The following GABRG3 variants were observed in gnomAD, a reference collection of about 807,000 sequenced individuals.
GABRG3 encodes the protein gamma-aminobutyric acid receptor subunit gamma-3.
In GABRG3, 25 loss-of-function variants were observed where a neutral mutation model predicts 48.8. The ratio of observed to expected loss-of-function variants is 0.51; its 90% CI spans 0.37 to 0.72. GABRG3 has a LOEUF of 0.72. Among genes scored for constraint, GABRG3 ranks in the 30% least tolerant of loss-of-function variants. GABRG3 has a pLI of 0.00. For synonymous variants in GABRG3, 227 were observed against 217.6 expected, an observed-to-expected ratio of 1.04 and a Z score of -0.38; for missense variants, 394 against 577.9, an observed-to-expected ratio of 0.68 and a Z score of 3.26.
chr15:27,001,888 GTT>G (rs60516105), intron 2 of GABRG3, among the ~76,000 whole-genome samples: 2 of 121,198 alleles, frequency 1.7e-5, no homozygotes, highest in South Asian at 2.8e-4. Flanking sequence ...CCATAACTCA[GTT>G]TTTTTTTTTT....
intron 3 of GABRG3, among the ~76,000 whole-genome samples, chr15:27,312,982 G>A (rs1220029096): frequency 1.3e-5 from 2 of 149,956 alleles, no homozygotes; most frequent in African/African-American, 2.4e-5. Flanking sequence ...ATAAATGGAT[G>A]TAATGGTCTC....
At position 27,291,812 on chromosome 15, in the gene GABRG3, TAGAG is replaced by T. The variant is rs763659061; in HGVS notation, c.271-34993_271-34990del. On this transcript the variant is annotated intron_variant, in intron 3 of 9. Transcript: ENST00000615808. ...ACACACTGTTGGATCAGCTCTCCAA[TAGAG>T]AGAAGAGCCTAGTGTTTTTCTTCTA... 5.3e-5 allele frequency among the ~76,000 whole-genome samples: 8 copies of T among 152,330 alleles called. No homozygotes were observed. The East Asian group carries it at 5.8e-4, about 11-fold the overall frequency.
chr15:27,332,937 C>T (rs1414198397), intron 5 of GABRG3, among the ~76,000 whole-genome samples: 1 of 152,074 alleles, frequency 6.6e-6, no homozygotes, highest in Non-Finnish European at 1.5e-5. Context: ...TCCTATAGCA[C>T]TTTCTGTAGT....
At chr15:27,492,229 T>C (rs1049527617) in intron 6 of GABRG3, among the ~76,000 whole-genome samples, 1 of 152,142 alleles carries the variant, frequency 6.6e-6, no homozygotes, top group Non-Finnish European at 1.5e-5. Flanking sequence ...TGGCTTAGAA[T>C]TCATCACAGC....
At chr15:27,530,989 T>C in intron 9 of GABRG3, 1 of 282,882 alleles carries the variant, frequency 3.5e-6, no homozygotes, top group Non-Finnish European at 7.0e-6. Context: ...TGCTATGTTT[T>C]AGCAAATGCT....
chr15:27,463,418 A>C (rs1489197043), intron 5 of GABRG3, among the ~76,000 whole-genome samples: 3 of 152,176 alleles, frequency 2.0e-5, no homozygotes, highest in African/African-American at 7.2e-5. Context: ...TTTTCTTTAA[A>C]ATTATTTGTG....
chr15:27,156,212 T>C (rs1898419243), intron 3 of GABRG3, among the ~76,000 whole-genome samples: 1 of 137,838 alleles, frequency 7.3e-6, no homozygotes, highest in Non-Finnish European at 1.5e-5. Context: ...GGCAGGAGAA[T>C]GGCATGAACC....
At position 27,421,205 on chromosome 15, in the gene GABRG3, A is replaced by G. The variant is rs904525092; in HGVS notation, c.575-59445A>G. 5.9e-5 allele frequency among the ~76,000 whole-genome samples: 9 copies of G among 152,236 alleles called. No individual in the cohort carries two copies. In the East Asian group the frequency reaches 1.7e-3, roughly 29 times the overall value. On this transcript the variant is annotated intron_variant, in intron 5 of 9. Transcript: ENST00000615808. ...ATGTCTCAATTCCCTGGTGCTCATCAGAAAGAAGGCCCACACATTGAATTA... is the reference window on the plus strand; with the variant it reads ...ATGTCTCAATTCCCTGGTGCTCATCGGAAAGAAGGCCCACACATTGAATTA...
At chr15:27,249,617 G>T (rs564596287) in intron 3 of GABRG3, among the ~76,000 whole-genome samples, 1 of 152,274 alleles carries the variant, frequency 6.6e-6, no homozygotes, top group East Asian at 1.9e-4. Context: ...AGTAGGACCT[G>T]CTGTGCCCTG....
chr15:27,307,368 T>G lies in GABRG3; in HGVS notation c.271-19441T>G, dbSNP rs199577258. ...TTATATATGTTTATATATAACCATATAGGTTTATATATTTATATATAACCA... is the reference window on the plus strand; with the variant it reads ...TTATATATGTTTATATATAACCATAGAGGTTTATATATTTATATATAACCA... On this transcript the variant is annotated intron_variant, in intron 3 of 9. Coordinates refer to ENST00000615808, the MANE Select transcript of GABRG3 (RefSeq NM_033223.5). Among the ~76,000 whole-genome samples, 6 of 90,040 alleles carry G rather than the reference T, an allele frequency of 6.7e-5. 1 individual carries two copies. Among genetic ancestry groups the G allele is most frequent in the Admixed American group, 2.5e-4 (2 of 8,096 alleles). 59.1% of individuals were successfully genotyped at this position (90,040 alleles called of 152,430 possible). A position where few individuals can be genotyped will look rare whatever the true frequency, so the allele number is the denominator to read the frequency against.
At chr15:27,306,222 A>G (rs1892427650) in intron 3 of GABRG3, among the ~76,000 whole-genome samples, 1 of 110,330 alleles carries the variant, frequency 9.1e-6, no homozygotes, top group Non-Finnish European at 2.0e-5. Flanking sequence ...TGTAATATAA[A>G]CATATGTTCT....
At chr15:27,335,848 A>ATC (rs1893945754) in intron 5 of GABRG3, among the ~76,000 whole-genome samples, 6 of 152,210 alleles carry the variant, frequency 3.9e-5, no homozygotes, top group African/African-American at 1.2e-4. Context: ...CACATTTTAA[A>ATC]TGTATACTAA....
At chr15:27,441,825 G>GT (rs569652299) in intron 5 of GABRG3, among the ~76,000 whole-genome samples, 229 of 152,106 alleles carry the variant, frequency 1.5e-3, no homozygotes, top group African/African-American at 5.3e-3. Flanking sequence ...TTAATGTTAT[G>GT]TTTTTTTTAA....
Position 27,019,055 on chromosome 15 carries a change from CTTTTTTTTTTTT to C in GABRG3, c.203-7679_203-7668del, listed in dbSNP as rs9331868. Among the ~76,000 whole-genome samples the C allele has an allele frequency of 3.8e-3, 158 of 42,026 alleles. 1 individual carries two copies. Among genetic ancestry groups the C allele is most frequent in the African/African-American group, 0.012 (117 of 9,542 alleles). 27.6% of individuals were successfully genotyped at this position (42,026 alleles called of 152,430 possible). ...CATTGAAGTATTTGTTCCCTAGAGTCTTTTTTTTTTTTTTTTTTTTTTTTTTTTTTTGAGATG... is the reference window on the plus strand; with the variant it reads ...CATTGAAGTATTTGTTCCCTAGAGTCTTTTTTTTTTTTTTTTTTTGAGATG... On this transcript the variant is annotated intron_variant, in intron 2 of 9. Coordinates refer to ENST00000615808, the MANE Select transcript of GABRG3 (RefSeq NM_033223.5).
intron 3 of GABRG3, among the ~76,000 whole-genome samples, chr15:27,309,084 G>T (rs1226624181): frequency 6.7e-6 from 1 of 149,904 alleles, no homozygotes; most frequent in Non-Finnish European, 1.5e-5. Flanking sequence ...TGTTTATATA[G>T]AAATATAATG....
At chr15:27,127,166 G>A (rs1375432732) in intron 3 of GABRG3, among the ~76,000 whole-genome samples, 2 of 152,048 alleles carry the variant, frequency 1.3e-5, no homozygotes, top group Non-Finnish European at 2.9e-5. Context: ...AGTTTTCCTA[G>A]CAGCATTGTT....
chr15:27,342,656 A>G (rs897491384), intron 5 of GABRG3, among the ~76,000 whole-genome samples: 2 of 152,264 alleles, frequency 1.3e-5, no homozygotes, highest in East Asian at 1.9e-4. Flanking sequence ...AACATTCTTC[A>G]TCAGAGTATT....
At chr15:27,165,092 T>G (rs1465832389) in intron 3 of GABRG3, among the ~76,000 whole-genome samples, 1 of 152,178 alleles carries the variant, frequency 6.6e-6, no homozygotes, top group African/African-American at 2.4e-5. Flanking sequence ...GAAAAAAATA[T>G]AGAATTTAGA....
At chr15:27,423,545 T>C (rs950131160) in intron 5 of GABRG3, among the ~76,000 whole-genome samples, 1 of 151,094 alleles carries the variant, frequency 6.6e-6, no homozygotes, top group Non-Finnish European at 1.5e-5. Flanking sequence ...TTTTTGGTTT[T>C]TTTTTTTTTT....
Sources: gnomAD v4.1 joint callset for allele counts (sites outside exome capture counted in the v4.1 genomes callset) on GRCh38, gnomAD v4.1.1 for gene constraint, MANE v1.5 for transcripts, NCBI Gene and HGNC (gene_info 2026-07-23, HGNC 2026-07-21) for gene names.